The following SERPINF2 variants were observed in gnomAD, a reference collection of about 807,000 sequenced individuals.
SERPINF2 encodes the protein serpin family F member 2.
A neutral mutation model predicts 45.0 loss-of-function variants in SERPINF2; 15 were observed. The observed-to-expected ratio is 0.33, with a 90% CI of 0.22 to 0.51. The LOEUF is 0.51. Among genes scored for constraint, SERPINF2 ranks in the 20% least tolerant of loss-of-function variants. SERPINF2 has a pLI of 0.97. For synonymous variants in SERPINF2, 283 were observed against 277.9 expected (o/e 1.02, Z -0.18); for missense variants, 518 against 637.4 (o/e 0.81, Z 2.02).
Position 1,745,629 on chromosome 17 carries a change from CAG to C in SERPINF2, c.166-78_166-77del, listed in dbSNP as rs1905747178. Reference sequence around the variant, plus strand: ...GACAAGGCCCTGCTGTCCTCAGGCACAGGGGCTGTGACAAGGCCTTCAACACA... The same window carrying C: ...GACAAGGCCCTGCTGTCCTCAGGCACGGGCTGTGACAAGGCCTTCAACACA... On this transcript the variant is annotated intron_variant, in intron 4 of 9. Transcript: ENST00000453066. This position sits in a 1 kb window ranked among gnomAD's most constrained non-coding sequence, Gnocchi z 6.2. 2 of 1,432,282 alleles carry C rather than the reference CAG, an allele frequency of 1.4e-6. No homozygotes were observed. Among genetic ancestry groups the C allele is most frequent in the Non-Finnish European group, 1.9e-6 (2 of 1,027,152 alleles). The allele number at this position is 1,432,282 out of a possible 1,614,324, so 88.7% of individuals were successfully genotyped here.
Position 1,746,985 on chromosome 17 carries a change from G to A in SERPINF2, c.368-34G>A, listed in dbSNP as rs200960312. The A allele has an allele frequency of 3.3e-5, 53 of 1,596,792 alleles. No homozygotes were observed. In the African/African-American group the frequency reaches 3.7e-4, roughly 11 times the overall value. ...GGGCAGTGGGGGTGAGAAAGGACCCGCAGCCGGGCCTCAGCCTGTGCGGTG... is the reference window on the plus strand; with the variant it reads ...GGGCAGTGGGGGTGAGAAAGGACCCACAGCCGGGCCTCAGCCTGTGCGGTG... On this transcript the variant is annotated intron_variant, in intron 5 of 9. Transcript: ENST00000453066.
rs1157558167 is a variant in SERPINF2 at position 1,754,132 on chromosome 17, G to A, written c.1074G>A (p.Glu358=). The A allele has an allele frequency of 6.2e-7, 1 of 1,606,250 alleles. No homozygotes were observed. The highest frequency in any genetic ancestry group is 2.2e-5 in the East Asian group (1 of 44,878). Residue 358 remains glutamate (E), a synonymous_variant, in exon 10 of 10, where the codon GAG becomes GAA. Transcript: ENST00000453066. ...TCTGGCCCTGGGCAGGCCTGCAGGA[G>A]TTGTTCCAGGCCCCAGACCTGCGTG... is the stretch of plus-strand genomic sequence containing the variant. ...VATLSQLGLQ[E]LFQAPDLRGI...
At chr17:1,751,588 T>A (rs1748246896) in intron 8 of SERPINF2, among the ~76,000 whole-genome samples, 1 of 134,764 alleles carries the variant, frequency 7.4e-6, no homozygotes, top group South Asian at 2.5e-4. Flanking sequence ...CCCCATCTCT[T>A]CTAAAAATAC....
At position 1,751,686 on chromosome 17, in the gene SERPINF2, G is replaced by C. The variant is rs532370061; in HGVS notation, c.859-900G>C. The stretch of plus-strand genomic sequence containing the variant: ...GAAGAATGGCGTGAATCCACGAGGC[G>C]GAGGTTGCGGTGAGCCGAGATTGCG... On this transcript the variant is annotated intron_variant, in intron 8 of 9. Coordinates refer to ENST00000453066, the MANE Select transcript of SERPINF2 (RefSeq NM_000934.4). Among the ~76,000 whole-genome samples, 280 of 137,102 alleles carry C rather than the reference G, an allele frequency of 2.0e-3. 53 individuals are homozygous for C. The highest frequency in any genetic ancestry group is 3.8e-3 in the Non-Finnish European group (228 of 60,490). 89.9% of individuals were successfully genotyped at this position (137,102 alleles called of 152,430 possible). A position where few individuals can be genotyped will look rare whatever the true frequency, so the allele number is the denominator to read the frequency against.
At position 1,748,734 on chromosome 17, in the gene SERPINF2, G is replaced by T. The variant is rs200240371; in HGVS notation, c.852G>T (p.Glu284Asp). 1.2e-4 allele frequency: 178 copies of T among 1,447,452 alleles called. 1 individual carries two copies. The highest frequency in any genetic ancestry group is 1.5e-4 in the Non-Finnish European group (154 of 1,028,592). 89.7% of individuals were successfully genotyped at this position (1,447,452 alleles called of 1,614,324 possible). Residue 284 changes from glutamate to aspartate, a missense_variant, in exon 8 of 10, where the codon GAG becomes GAT. Coordinates refer to ENST00000453066, the MANE Select transcript of SERPINF2 (RefSeq NM_000934.4). ...GCTGGTTCTTGCTGGAGCAGCCTGAGATCCAGGTCACCCTTGGTTGTCCAG... is the reference window on the plus strand; with the variant it reads ...GCTGGTTCTTGCTGGAGCAGCCTGATATCCAGGTCACCCTTGGTTGTCCAG... ...PLRWFLLEQP[E>D]IQVAHFPFKN...
At chr17:1,751,331 C>T (rs1355384359) in intron 8 of SERPINF2, among the ~76,000 whole-genome samples, 1 of 151,894 alleles carries the variant, frequency 6.6e-6, no homozygotes, top group Non-Finnish European at 1.5e-5. Flanking sequence ...CGCCTGTAGT[C>T]CCAGCTACTC....
intron 8 of SERPINF2, among the ~76,000 whole-genome samples, chr17:1,750,029 A>G (rs1250042359): frequency 1.3e-5 from 2 of 151,268 alleles, no homozygotes; most frequent in African/African-American, 2.4e-5. Context: ...GCTGGAGTGC[A>G]GTGGCACGAT....
At chr17:1,747,270 C>A in intron 6 of SERPINF2, 39 bp from the exon 7 acceptor site, 1 of 1,611,822 alleles carries the variant, frequency 6.2e-7, no homozygotes, top group Non-Finnish European at 8.5e-7. Flanking sequence ...GGCTGTGGAG[C>A]CTGGAGCCCT....
intron 1 of SERPINF2, chr17:1,743,226 C>A: frequency 2.0e-6 from 1 of 503,822 alleles, no homozygotes; most frequent in Non-Finnish European, 2.6e-6. Context: ...GAGACCAACA[C>A]CTGCCCTTCC....
chr17:1,750,468 T>C (rs945443791), intron 8 of SERPINF2, among the ~76,000 whole-genome samples: 3 of 151,724 alleles, frequency 2.0e-5, no homozygotes, highest in Non-Finnish European at 2.9e-5. Context: ...TTTTTTTTTT[T>C]AGTAGAGACA....
intron 8 of SERPINF2, among the ~76,000 whole-genome samples, chr17:1,749,184 T>A (rs2151192758): frequency 6.6e-6 from 1 of 152,268 alleles, no homozygotes; most frequent in East Asian, 1.9e-4. Context: ...TCCCAGCACT[T>A]TGGGTGGCCC....
Position 1,748,580 on chromosome 17 carries a change from C to G in SERPINF2, c.716-18C>G, listed in dbSNP as rs1030945572. 1 of 1,612,200 alleles carries G rather than the reference C, an allele frequency of 6.2e-7. No homozygotes were observed. Among genetic ancestry groups the G allele is most frequent in the Non-Finnish European group, 8.5e-7 (1 of 1,180,002 alleles). On this transcript the variant is annotated intron_variant, in intron 7 of 9. Coordinates refer to ENST00000453066, the MANE Select transcript of SERPINF2 (RefSeq NM_000934.4). ...CTGGTCCCCGTCGACGTGACCCCTG[C>G]CCTCTGCTGGGTTTCAGGTTTCTGG...
chr17:1,746,748 A>G (rs1184177700), intron 5 of SERPINF2, among the ~76,000 whole-genome samples: 1 of 152,150 alleles, frequency 6.6e-6, no homozygotes, highest in African/African-American at 2.4e-5. Context: ...TTCTTATGCA[A>G]GAGTTTGCTA....
rs1188974557 is a variant in SERPINF2, at chr17:1,747,484, G to A, written c.687G>A (p.Leu229=). The change falls in exon 7 of 10, where the codon TTG becomes TTA. Residue 229 remains leucine (L), a synonymous_variant. Transcript: ENST00000453066. ...FLSGLPEDTV[L]LLLNAIHFQG... is the part of the protein sequence containing the mutation. Reference sequence around the variant, plus strand: ...CTGGGCTGCCGGAAGACACCGTGTTGCTTCTCCTCAACGCCATCCACTTCC... The same window carrying A: ...CTGGGCTGCCGGAAGACACCGTGTTACTTCTCCTCAACGCCATCCACTTCC... 6 of 1,614,080 alleles carry A rather than the reference G, an allele frequency of 3.7e-6. No individual in the cohort carries two copies. Among genetic ancestry groups the A allele is most frequent in the Non-Finnish European group, 5.1e-6 (6 of 1,180,024 alleles).
chr17:1,745,171 A>G lies in SERPINF2; in HGVS notation c.64-4A>G, dbSNP rs1567737434. The G allele has an allele frequency of 8.3e-6, 13 of 1,571,926 alleles. No individual in the cohort carries two copies. The highest frequency in any genetic ancestry group is 1.1e-5 in the Non-Finnish European group (13 of 1,159,310). ...ACCTCCTATCCTCATCCCTTTCTCCACAGTTCTCCCCTGTGAGCGCCATGG... is the reference window on the plus strand; with the variant it reads ...ACCTCCTATCCTCATCCCTTTCTCCGCAGTTCTCCCCTGTGAGCGCCATGG... On this transcript the variant is annotated splice_polypyrimidine_tract_variant and splice_region_variant and intron_variant, in intron 2 of 9. Transcript: ENST00000453066. The surrounding 1 kb of genome is among the most constrained non-coding windows in gnomAD (Gnocchi z 6.2).
intron 7 of SERPINF2, 83 bp from the exon 8 acceptor site, chr17:1,748,515 G>T: frequency 6.4e-7 from 1 of 1,572,670 alleles, no homozygotes; most frequent in Non-Finnish European, 8.7e-7. Context: ...CAGAGCCCAA[G>T]CTGGTCCCCA....
Position 1,745,333 on chromosome 17 carries a change from C to G in SERPINF2, c.103C>G (p.Leu35Val), listed in dbSNP as rs1225015490. The G allele has an allele frequency of 1.2e-6, 2 of 1,613,300 alleles. No individual in the cohort carries two copies. Among genetic ancestry groups the G allele is most frequent in the Admixed American group, 3.3e-5 (2 of 59,962 alleles). ...TCCATCTGCTTGCTCCTTTCCGCAG[C>G]TAACTAGCGGGCCGAACCAGGAGCA... ...VSAMEPLGRQ[L>V]TSGPNQEQVS... The change falls in exon 4 of 10, where the codon CTA (leucine) becomes GTA (valine). Residue 35 changes from leucine (L) to valine (V), a missense_variant and splice_region_variant. This residue lies in a region of SERPINF2 where 435 missense variants were observed against 577.3 expected (regional missense o/e 0.75). Transcript: ENST00000453066. This position sits in a 1 kb window ranked among gnomAD's most constrained non-coding sequence, Gnocchi z 6.2.
rs555918691 is a variant in SERPINF2 at position 1,754,037 on chromosome 17, CA to C, written c.1064-84del. 306 of 1,512,284 alleles carry C rather than the reference CA, an allele frequency of 2.0e-4. No individual in the cohort carries two copies. The African/African-American group carries it at 3.8e-3, about 19-fold the overall frequency. The allele number at this position is 1,512,284 out of a possible 1,614,324, so 93.7% of individuals were successfully genotyped here. On this transcript the variant is annotated intron_variant, in intron 9 of 9. Coordinates refer to ENST00000453066, the MANE Select transcript of SERPINF2 (RefSeq NM_000934.4). ...CTGTGAGTTCAAGCTGTTCCCTGGC[CA>C]GGATCTCAGACACCCTCCCAAGCAG...
chr17:1,749,220 G>A (rs1906144874), intron 8 of SERPINF2, among the ~76,000 whole-genome samples: 1 of 152,198 alleles, frequency 6.6e-6, no homozygotes, highest in Admixed American at 6.5e-5. Flanking sequence ...AAGGTCAGGA[G>A]TTTGAGACCA....
Sources: allele counts gnomAD v4.1 joint callset (sites outside exome capture counted in the v4.1 genomes callset), GRCh38; gene constraint gnomAD v4.1.1; regional missense constraint gnomAD v4.1.1; non-coding constraint Gnocchi (gnomAD v3.1); transcripts MANE v1.5; gene names NCBI Gene and HGNC (gene_info 2026-07-23, HGNC 2026-07-21).